MCOLN3: variants seen among roughly 807,000 people sequenced by gnomAD.
MCOLN3 encodes the protein mucolipin TRP cation channel 3, also known as mucolipin-3.
Under a neutral mutation model 69.4 loss-of-function variants are expected in MCOLN3, and 62 were observed. The observed-to-expected ratio is 0.89, with a 90% confidence interval of 0.73 to 1.10. MCOLN3 has a LOEUF of 1.10. Ranked by LOEUF, MCOLN3 falls within the 50% of genes least tolerant of loss-of-function variation. The pLI is 0.00. For missense variants in MCOLN3, 564 were observed against 656.4 expected (o/e 0.86, Z 1.54); for synonymous variants, 183 against 217.0 (o/e 0.84, Z 1.38).
intron 2 of MCOLN3, among the ~76,000 whole-genome samples, chr1:85,041,993 A>G (rs551442427): frequency 1.3e-5 from 2 of 149,590 alleles, no homozygotes; most frequent in Non-Finnish European, 3.0e-5. Flanking sequence ...ACACACAGGC[A>G]CACACACACA....
intron 12 of MCOLN3, among the ~76,000 whole-genome samples, chr1:85,020,020 G>A (rs1007841202): frequency 2.0e-5 from 3 of 152,146 alleles, no homozygotes; most frequent in African/African-American, 4.8e-5. Context: ...GTCATCAAAG[G>A]TGAAAACCCA....
At chr1:85,020,859 T>G (rs1358860112) in intron 12 of MCOLN3, among the ~76,000 whole-genome samples, 1 of 152,240 alleles carries the variant, frequency 6.6e-6, no homozygotes, top group East Asian at 1.9e-4. Flanking sequence ...AAAGCTTGTG[T>G]GAGAAAGTAT....
In MCOLN3 at chr1:85,034,215, C is replaced by T; in HGVS notation, c.433G>A (p.Ala145Thr). The T allele has an allele frequency of 6.2e-7, 1 of 1,614,136 alleles. No homozygotes were observed. The highest frequency in any genetic ancestry group is 8.5e-7 in the Non-Finnish European group (1 of 1,180,000). ...QLYNVSVGNH[A>T]YENKGTKQSA... ...TGCTTGGTACCTTTGTTCTCATAAG[C>T]ATGATTCCCAACGGAGACATTGTAT... Residue 145 changes from alanine to threonine, a missense_variant, in exon 4 of 13, where the codon GCT becomes ACT. Coordinates refer to ENST00000370589, the MANE Select transcript of MCOLN3 (RefSeq NM_018298.11).
intron 3 of MCOLN3, among the ~76,000 whole-genome samples, chr1:85,038,424 T>C (rs1298297771): frequency 1.3e-5 from 2 of 152,040 alleles, no homozygotes; most frequent in Non-Finnish European, 2.9e-5. Context: ...AAAAAGAAAA[T>C]AAGGTCTCTC....
chr1:85,019,845 A>C (rs1308497683), intron 12 of MCOLN3, among the ~76,000 whole-genome samples: 1 of 152,182 alleles, frequency 6.6e-6, no homozygotes, highest in African/African-American at 2.4e-5. Context: ...TCTTCCAGCC[A>C]GGCAAGTTTG....
intron 6 of MCOLN3, 143 bp downstream of exon 6, chr1:85,032,553 A>T: frequency 1.4e-6 from 1 of 695,406 alleles, no homozygotes; most frequent in Admixed American, 2.2e-5. Flanking sequence ...ATAGAGCTAG[A>T]TGTATCAATG....
chr1:85,041,315 G>T, intron 2 of MCOLN3, 138 bp from the exon 3 acceptor site: 4 of 686,400 alleles, frequency 5.8e-6, no homozygotes, highest in South Asian at 2.4e-5. Context: ...TTTGCAGCAG[G>T]TGGATAATAA....
chr1:85,039,969 T>A (rs564419016), intron 3 of MCOLN3, among the ~76,000 whole-genome samples: 2 of 150,414 alleles, frequency 1.3e-5, no homozygotes, highest in South Asian at 4.2e-4. Flanking sequence ...AAAAATTTAA[T>A]GAACTGTTTA....
intron 3 of MCOLN3, among the ~76,000 whole-genome samples, chr1:85,039,681 A>C (rs889981222): frequency 6.6e-6 from 1 of 152,138 alleles, no homozygotes; most frequent in Non-Finnish European, 1.5e-5. Context: ...GGTTAAGATG[A>C]TTTATAAGGA....
chr1:85,044,046 G>C (rs1653215514), intron 2 of MCOLN3, among the ~76,000 whole-genome samples: 1 of 152,072 alleles, frequency 6.6e-6, no homozygotes, highest in African/African-American at 2.4e-5. Flanking sequence ...GAGCCACCCT[G>C]CCTGGCCAAG....
chr1:85,022,163 C>G lies in MCOLN3; in HGVS notation c.1227G>C (p.Leu409=), dbSNP rs1406707272. ...AGCAGCAGAACCTGATGACATTGGG[C>G]AGCGCTGCCTGAAGGGTCAAAATGA... ...NLLILTLQAA[L]PNVIRFCCCA... The change falls in exon 11 of 13, where the codon CTG becomes CTC. Residue 409 remains leucine (L), a synonymous_variant. Transcript: ENST00000370589. 6.2e-7 allele frequency: 1 copy of G among 1,614,132 alleles called. No individual in the cohort carries two copies. Among genetic ancestry groups the G allele is most frequent in the Non-Finnish European group, 8.5e-7 (1 of 1,179,990 alleles).
At chr1:85,032,571 T>TA in intron 6 of MCOLN3, 125 bp downstream of exon 6, 1 of 757,918 alleles carries the variant, frequency 1.3e-6, no homozygotes, top group South Asian at 1.6e-5. Context: ...ATGCTTCCCT[T>TA]ATGCACATTC....
At chr1:85,040,418 A>G (rs1005717091) in intron 3 of MCOLN3, among the ~76,000 whole-genome samples, 2 of 152,224 alleles carry the variant, frequency 1.3e-5, no homozygotes. Flanking sequence ...CTAGAGATTT[A>G]AAAATTTGGG....
In MCOLN3 at chr1:85,022,386, A is replaced by C. The variant is rs757167952; in HGVS notation, c.1110T>G (p.Tyr370Ter). 2.5e-5 allele frequency: 40 copies of C among 1,606,214 alleles called. No individual in the cohort carries two copies. The highest frequency in any genetic ancestry group is 3.3e-5 in the Non-Finnish European group (39 of 1,173,700). The change falls in exon 10 of 13, where the codon TAT becomes TAG. Residue 370 changes from tyrosine to a stop codon, truncating the protein, a stop_gained. Coordinates refer to ENST00000370589, the MANE Select transcript of MCOLN3 (RefSeq NM_018298.11). LOFTEE classifies it high-confidence loss of function. ...TCCCAAGAAGTATGCTACAGACATC[A>C]TAACTAGTTAGACTCTAAGAGAGAG... ...MEIQAKSLTSYDVCSILLGTS... is the reference protein window; with the variant it reads ...MEIQAKSLTS
At chr1:85,026,487 T>TGGC (rs1182388397) in intron 7 of MCOLN3, among the ~76,000 whole-genome samples, 2 of 152,090 alleles carry the variant, frequency 1.3e-5, no homozygotes, top group Non-Finnish European at 2.9e-5. Flanking sequence ...CTGGGTGTGG[T>TGGC]GGCTCATGCC....
chr1:85,045,412 G>C (rs772716669), intron 1 of MCOLN3, 50 bp from the exon 2 acceptor site: 1 of 1,435,962 alleles, frequency 7.0e-7, no homozygotes, highest in South Asian at 1.2e-5. Flanking sequence ...CATTTAGTGA[G>C]TAAAGACACA....
Position 85,022,359 on chromosome 1 carries a change from A to G in MCOLN3, c.1137T>C (p.Thr379=), listed in dbSNP as rs1651985634. The change falls in exon 10 of 13, where the codon ACT becomes ACC. Residue 379 remains threonine, a synonymous_variant. Transcript: ENST00000370589. ...SYDVCSILLG[T]STMLVWLGVI... is the part of the protein sequence containing the mutation. ...CTCCAAGCCACACGAGCATGGTAGAAGTCCCAAGAAGTATGCTACAGACAT... is the reference window on the plus strand; with the variant it reads ...CTCCAAGCCACACGAGCATGGTAGAGGTCCCAAGAAGTATGCTACAGACAT... 3 of 1,613,580 alleles carry G rather than the reference A, an allele frequency of 1.9e-6. No homozygotes were observed. Among genetic ancestry groups the G allele is most frequent in the Non-Finnish European group, 2.5e-6 (3 of 1,179,566 alleles).
intron 2 of MCOLN3, among the ~76,000 whole-genome samples, chr1:85,044,924 G>A (rs528991751): frequency 1.3e-5 from 2 of 151,846 alleles, no homozygotes; most frequent in African/African-American, 4.8e-5. Context: ...ATAACTTAGC[G>A]AACGATACAA....
At chr1:85,033,697 A>T (rs1652652589) in intron 4 of MCOLN3, among the ~76,000 whole-genome samples, 1 of 152,180 alleles carries the variant, frequency 6.6e-6, no homozygotes, top group South Asian at 2.1e-4. Context: ...GTTTGCAAGC[A>T]TAATGTTTTA....
Sources: allele counts gnomAD v4.1 joint callset (sites outside exome capture counted in the v4.1 genomes callset), GRCh38; gene constraint gnomAD v4.1.1; transcripts MANE v1.5; gene names NCBI Gene and HGNC (gene_info 2026-07-23, HGNC 2026-07-21).